RGS7: variants seen among roughly 807,000 people sequenced by gnomAD.
RGS7 encodes regulator of G-protein signaling 7.
A neutral mutation model predicts 81.1 loss-of-function variants in RGS7; 27 were observed. That is an observed-to-expected ratio of 0.33 (90% CI 0.25 to 0.46). The LOEUF (loss-of-function observed/expected upper bound fraction) is 0.46. RGS7 is among the 20% of genes least tolerant of loss of function. The pLI is 1.00. For missense variants in RGS7, 396 were observed against 607.4 expected (o/e 0.65, Z 3.66); for synonymous variants, 208 against 207.7 (o/e 1.00, Z -0.01).
chr1:240,818,557 A>T (rs1201849960), intron 10 of RGS7, among the ~76,000 whole-genome samples: 6 of 152,230 alleles, frequency 3.9e-5, no homozygotes, highest in Admixed American at 1.3e-4. Flanking sequence ...AAATAACAGT[A>T]GAGGTTGATT....
At chr1:241,353,827 C>T (rs1253751757) in intron 2 of RGS7, among the ~76,000 whole-genome samples, 1 of 152,130 alleles carries the variant, frequency 6.6e-6, no homozygotes, top group Non-Finnish European at 1.5e-5. Flanking sequence ...CTATACAACA[C>T]TGTGTAGAGT....
intron 6 of RGS7, among the ~76,000 whole-genome samples, chr1:240,904,524 T>C (rs569687123): frequency 6.6e-6 from 1 of 152,338 alleles, no homozygotes; most frequent in South Asian, 2.1e-4. Context: ...AGGATAGCAT[T>C]TATTCTCTCT....
chr1:241,191,375 C>A (rs918783684), intron 2 of RGS7, among the ~76,000 whole-genome samples: 1 of 152,034 alleles, frequency 6.6e-6, no homozygotes, highest in African/African-American at 2.4e-5. Context: ...ATCATGTGAG[C>A]CTTTTTTTCT....
intron 3 of RGS7, among the ~76,000 whole-genome samples, chr1:240,993,078 A>AGAAGGAAG (rs796655584): frequency 6.3e-5 from 7 of 110,796 alleles, no homozygotes; most frequent in East Asian, 6.0e-4. Context: ...GGAAAGAAAC[A>AGAAGGAAG]GAAGGAAGGA....
At chr1:240,889,247 G>GCT (rs1667881831) in intron 6 of RGS7, among the ~76,000 whole-genome samples, 1 of 152,194 alleles carries the variant, frequency 6.6e-6, no homozygotes, top group African/African-American at 2.4e-5. Flanking sequence ...GTGAGCCACT[G>GCT]CACCTGGCGA....
intron 2 of RGS7, among the ~76,000 whole-genome samples, chr1:241,135,826 G>A (rs950879570): frequency 2.6e-5 from 4 of 151,788 alleles, no homozygotes; most frequent in Non-Finnish European, 4.4e-5. Context: ...AGGCTAGAGT[G>A]CAATGGCGGG....
chr1:240,903,639 G>A (rs994897558), intron 6 of RGS7, among the ~76,000 whole-genome samples: 1 of 152,086 alleles, frequency 6.6e-6, no homozygotes, highest in African/African-American at 2.4e-5. Flanking sequence ...GCTATGGTTT[G>A]GATATCTGAC....
chr1:241,287,330 T>C (rs1021851811), intron 2 of RGS7, among the ~76,000 whole-genome samples: 16 of 152,252 alleles, frequency 1.1e-4, no homozygotes, highest in African/African-American at 2.6e-4. Context: ...TGGGAGGTGA[T>C]TGAATCATGG....
intron 11 of RGS7, among the ~76,000 whole-genome samples, chr1:240,815,545 T>C (rs959635649): frequency 6.6e-6 from 1 of 152,166 alleles, no homozygotes; most frequent in Non-Finnish European, 1.5e-5. Flanking sequence ...TGACAAATGC[T>C]CACATGGAAT....
At chr1:240,886,697 C>T (rs1667388698) in intron 6 of RGS7, among the ~76,000 whole-genome samples, 1 of 152,144 alleles carries the variant, frequency 6.6e-6, no homozygotes, top group South Asian at 2.1e-4. Context: ...GAGTCCCAAA[C>T]TGCTGCTAAA....
At chr1:240,948,088 G>A (rs973910938) in intron 4 of RGS7, among the ~76,000 whole-genome samples, 1 of 152,176 alleles carries the variant, frequency 6.6e-6, no homozygotes, top group Admixed American at 6.5e-5. Flanking sequence ...GACTACACTG[G>A]TGTAGAAGAC....
At chr1:241,084,037 T>TTA (rs1489870708) in intron 3 of RGS7, among the ~76,000 whole-genome samples, 2 of 152,192 alleles carry the variant, frequency 1.3e-5, no homozygotes, top group Admixed American at 6.5e-5. Flanking sequence ...CAGGCTTAAG[T>TTA]TATATAAGGT....
intron 2 of RGS7, among the ~76,000 whole-genome samples, chr1:241,170,051 C>T (rs760285932): frequency 6.6e-6 from 1 of 152,002 alleles, no homozygotes; most frequent in Non-Finnish European, 1.5e-5. Context: ...TTCAGAAGGG[C>T]CACCGTCCAT....
At chr1:241,303,915 G>A (rs182205925) in intron 2 of RGS7, among the ~76,000 whole-genome samples, 22 of 152,294 alleles carry the variant, frequency 1.4e-4, no homozygotes, top group Admixed American at 1.4e-3. Flanking sequence ...TGCAGGTGGT[G>A]CACGTCCATC....
At chr1:240,905,237 A>G (rs1670635266) in intron 6 of RGS7, among the ~76,000 whole-genome samples, 1 of 152,226 alleles carries the variant, frequency 6.6e-6, no homozygotes, top group South Asian at 2.1e-4. Flanking sequence ...CCATGAATCC[A>G]GCAATAACTA....
At chr1:240,859,128 A>C (rs1661681763) in intron 9 of RGS7, among the ~76,000 whole-genome samples, 1 of 152,246 alleles carries the variant, frequency 6.6e-6, no homozygotes, top group African/African-American at 2.4e-5. Context: ...CTGTCTTAGA[A>C]GGTTATTAAT....
chr1:241,136,765 T>TA (rs539464032), intron 2 of RGS7, among the ~76,000 whole-genome samples: 2 of 152,108 alleles, frequency 1.3e-5, no homozygotes, highest in African/African-American at 2.4e-5. Context: ...ATTTCACATG[T>TA]AAAAAAAATT....
At chr1:240,943,302 A>G (rs1247148683) in intron 4 of RGS7, among the ~76,000 whole-genome samples, 1 of 152,204 alleles carries the variant, frequency 6.6e-6, no homozygotes, top group Non-Finnish European at 1.5e-5. Context: ...CCTGAGCAAG[A>G]GACTTGGATT....
chr1:240,799,935 G>T (rs1687762627), intron 18 of RGS7, among the ~76,000 whole-genome samples: 1 of 152,068 alleles, frequency 6.6e-6, no homozygotes, highest in African/African-American at 2.4e-5. Context: ...TTGAGAAGTG[G>T]GTTAGATATG....
Sources: allele counts gnomAD v4.1 joint callset (sites outside exome capture counted in the v4.1 genomes callset), GRCh38; gene constraint gnomAD v4.1.1; transcripts MANE v1.5; gene names NCBI Gene and HGNC (gene_info 2026-07-23, HGNC 2026-07-21).